Variants in ABCB5 observed in about 807,000 individuals in gnomAD.
ABCB5 encodes the protein ATP-binding cassette sub-family B member 5.
ABCB5 carries 155 observed loss-of-function variants against 144.2 expected under a neutral mutation model. That is an observed-to-expected ratio of 1.08 (90% confidence interval 0.94 to 1.23). The LOEUF is 1.23. Among genes scored for constraint, ABCB5 ranks in the 50% most tolerant of loss-of-function variants. The probability of loss-of-function intolerance (pLI) is 0.00; values close to 1 mark genes in which losing one functional copy is unlikely to be tolerated. For missense variants in ABCB5, 1,830 were observed against 1,520.8 expected, an observed-to-expected ratio of 1.20 and a Z score of -3.38; for synonymous variants, 610 against 528.6, an observed-to-expected ratio of 1.15 and a Z score of -2.11.
intron 16 of ABCB5, among the ~76,000 whole-genome samples, chr7:20,691,752 C>T (rs974151480): frequency 1.3e-5 from 2 of 151,988 alleles, no homozygotes; most frequent in African/African-American, 2.4e-5. Flanking sequence ...ACTAACAAAT[C>T]CTAATAGCAA....
At chr7:20,626,674 T>C (rs187496867) in intron 3 of ABCB5, 63 bp downstream of exon 3, 11 of 1,331,954 alleles carry the variant, frequency 8.3e-6, no homozygotes, top group Non-Finnish European at 2.0e-6. Flanking sequence ...CAGTAGTGCA[T>C]AGAAGATTGT....
chr7:20,660,260 A>G, intron 14 of ABCB5: 2 of 985,458 alleles, frequency 2.0e-6, no homozygotes, highest in Non-Finnish European at 2.4e-6. Flanking sequence ...TGTGAAAAAA[A>G]TGAAGGCAAT....
chr7:20,714,976 C>G (rs978103042), intron 20 of ABCB5, among the ~76,000 whole-genome samples: 2 of 152,158 alleles, frequency 1.3e-5, no homozygotes, highest in African/African-American at 4.8e-5. Context: ...TAATACACTA[C>G]CCAAGCTTAT....
At chr7:20,750,929 A>T (rs1350632691) in intron 26 of ABCB5, among the ~76,000 whole-genome samples, 1 of 152,180 alleles carries the variant, frequency 6.6e-6, no homozygotes, top group Non-Finnish European at 1.5e-5. Flanking sequence ...TGAGACACAC[A>T]CCAGGTGTGG....
intron 25 of ABCB5, among the ~76,000 whole-genome samples, chr7:20,743,354 G>A (rs914435463): frequency 1.3e-5 from 2 of 152,096 alleles, no homozygotes; most frequent in African/African-American, 4.8e-5. Flanking sequence ...GAACATGGGT[G>A]CTGGAGATCT....
Position 20,711,776 on chromosome 7 carries a change from T to TTCTCTCTCTCTTTCTTTCTCTC in ABCB5, c.2421+6974_2421+6975insCTCTCTTTCTTTCTCTCTCTCT, listed in dbSNP as rs537885442. 1.2e-3 allele frequency among the ~76,000 whole-genome samples: 50 copies of TTCTCTCTCTCTTTCTTTCTCTC among 42,230 alleles called. 8 individuals are homozygous for TTCTCTCTCTCTTTCTTTCTCTC. Among genetic ancestry groups the TTCTCTCTCTCTTTCTTTCTCTC allele is most frequent in the East Asian group, 5.2e-3 (7 of 1,358 alleles). The allele number at this position is 42,230 out of a possible 152,430, so 27.7% of individuals were successfully genotyped here. On this transcript the variant is annotated intron_variant, in intron 20 of 27. Coordinates refer to ENST00000404938, the MANE Select transcript of ABCB5 (RefSeq NM_001163941.2). ...GCCCAGCCTGCCTGCCTTTCCTTCT[T>TTCTCTCTCTCTTTCTTTCTCTC]TCTCTTTCTTTCTTTCTTTCTTTCT...
At chr7:20,645,658 A>G (rs1562535434) in intron 7 of ABCB5, 98 bp from the exon 8 acceptor site, 2 of 1,418,602 alleles carry the variant, frequency 1.4e-6, no homozygotes, top group Non-Finnish European at 1.9e-6. Flanking sequence ...AAAAAATACC[A>G]TTAGTCTACT....
At chr7:20,648,203 C>A in intron 11 of ABCB5, 125 bp downstream of exon 11, 1 of 629,230 alleles carries the variant, frequency 1.6e-6, no homozygotes, top group Non-Finnish European at 2.8e-6. Context: ...TGCTTAGAGA[C>A]TTGAGGAGGT....
intron 14 of ABCB5, among the ~76,000 whole-genome samples, chr7:20,669,040 C>T (rs1396416815): frequency 1.4e-5 from 2 of 139,612 alleles, no homozygotes; most frequent in Non-Finnish European, 3.1e-5. Context: ...TCTGCCCGGC[C>T]GCCCCTACTG....
At chr7:20,679,337 C>T (rs1288310360) in intron 14 of ABCB5, among the ~76,000 whole-genome samples, 2 of 151,850 alleles carry the variant, frequency 1.3e-5, no homozygotes, top group Non-Finnish European at 2.9e-5. Flanking sequence ...GGCATGGTGG[C>T]AGGTGCCTGT....
At chr7:20,697,444 T>A (rs1435711937) in intron 16 of ABCB5, among the ~76,000 whole-genome samples, 2 of 152,212 alleles carry the variant, frequency 1.3e-5, no homozygotes, top group Admixed American at 6.5e-5. Flanking sequence ...TCTACTTTCC[T>A]ACTCAGAATA....
chr7:20,671,634 G>C (rs778045937), intron 14 of ABCB5, among the ~76,000 whole-genome samples: 1 of 152,188 alleles, frequency 6.6e-6, no homozygotes, highest in Non-Finnish European at 1.5e-5. Context: ...CATCCATGTT[G>C]TAGAATGCAT....
chr7:20,755,400 G>A (rs1371613167), intron 27 of ABCB5, 27 bp from the exon 28 acceptor site: 4 of 1,608,100 alleles, frequency 2.5e-6, no homozygotes, highest in African/African-American at 1.3e-5. Flanking sequence ...ACTCAAACTG[G>A]TGATCACAGG....
At chr7:20,725,689 T>A (rs890463285) in intron 21 of ABCB5, among the ~76,000 whole-genome samples, 4 of 152,242 alleles carry the variant, frequency 2.6e-5, no homozygotes. Context: ...ATTGGAGATT[T>A]TTTTAATGTT....
At chr7:20,644,261 TAG>T (rs1309137549) in intron 7 of ABCB5, among the ~76,000 whole-genome samples, 1 of 152,074 alleles carries the variant, frequency 6.6e-6, no homozygotes, top group Admixed American at 6.5e-5. Flanking sequence ...GTATTTTTTG[TAG>T]AGACAGATTT....
At chr7:20,618,897 C>T (rs1783749259) in intron 1 of ABCB5, among the ~76,000 whole-genome samples, 1 of 150,472 alleles carries the variant, frequency 6.6e-6, no homozygotes, top group Non-Finnish European at 1.5e-5. Flanking sequence ...GCCTCAGCCA[C>T]CCAAGTAGCT....
intron 1 of ABCB5, among the ~76,000 whole-genome samples, chr7:20,617,882 A>G (rs942484057): frequency 9.2e-5 from 14 of 152,194 alleles, no homozygotes; most frequent in African/African-American, 3.4e-4. Context: ...AGAACATTAG[A>G]TAGTGATAAA....
At chr7:20,660,845 G>A (rs1051820917) in intron 14 of ABCB5, among the ~76,000 whole-genome samples, 1 of 151,994 alleles carries the variant, frequency 6.6e-6, no homozygotes, top group Non-Finnish European at 1.5e-5. Context: ...TCCACAACCT[G>A]CCCTCACATA....
intron 16 of ABCB5, among the ~76,000 whole-genome samples, chr7:20,696,621 T>TC (rs1163398471): frequency 2.6e-5 from 4 of 152,124 alleles, no homozygotes. Context: ...CTAAGCTGTA[T>TC]CAAATGAAAT....
Sources: allele counts gnomAD v4.1 joint callset (sites outside exome capture counted in the v4.1 genomes callset), GRCh38; gene constraint gnomAD v4.1.1; transcripts MANE v1.5; gene names NCBI Gene and HGNC (gene_info 2026-07-23, HGNC 2026-07-21).